UVRAG: variants seen among roughly 807,000 people sequenced by gnomAD.
The protein encoded by UVRAG is UV radiation resistance-associated gene protein.
UVRAG carries 19 observed loss-of-function variants against 78.0 expected under a neutral mutation model. That is an observed-to-expected ratio of 0.24 (90% CI 0.17 to 0.36). The LOEUF (loss-of-function observed/expected upper bound fraction) is 0.36. UVRAG is among the 10% of genes least tolerant of loss of function. The pLI is 1.00. For missense variants in UVRAG, 740 were observed against 853.8 expected (o/e 0.87, Z 1.66); for synonymous variants, 323 against 324.6 (o/e 1.00, Z 0.05).
chr11:76,134,680 G>A (rs1019254785), intron 14 of UVRAG, among the ~76,000 whole-genome samples: 1 of 152,200 alleles, frequency 6.6e-6, no homozygotes, highest in Non-Finnish European at 1.5e-5. Context: ...GGAATTTGAA[G>A]CCTACTGAAA....
At chr11:75,943,186 C>T (rs796699980) in intron 6 of UVRAG, among the ~76,000 whole-genome samples, 6 of 152,230 alleles carry the variant, frequency 3.9e-5, no homozygotes, top group African/African-American at 1.2e-4. Flanking sequence ...CACCCTCCCA[C>T]CCCCACTTTG....
intron 5 of UVRAG, among the ~76,000 whole-genome samples, chr11:75,890,056 T>C (rs1029642349): frequency 6.6e-6 from 1 of 151,954 alleles, no homozygotes; most frequent in Non-Finnish European, 1.5e-5. Flanking sequence ...GAAGGGAACA[T>C]GATGAGTTTT....
At chr11:75,937,032 AC>A (rs1458829720) in intron 6 of UVRAG, among the ~76,000 whole-genome samples, 2 of 152,196 alleles carry the variant, frequency 1.3e-5, no homozygotes, top group East Asian at 3.8e-4. Context: ...CTGACAGGCC[AC>A]CAAGCTCCAG....
intron 12 of UVRAG, among the ~76,000 whole-genome samples, chr11:76,046,102 C>G (rs1018267605): frequency 6.6e-6 from 1 of 152,078 alleles, no homozygotes; most frequent in Non-Finnish European, 1.5e-5. Flanking sequence ...ATGGAACAAT[C>G]CTTCAAAGTA....
chr11:75,990,494 A>G (rs544502238), intron 8 of UVRAG, among the ~76,000 whole-genome samples: 9 of 151,720 alleles, frequency 5.9e-5, no homozygotes, highest in Admixed American at 2.0e-4. Flanking sequence ...TTTTATTCCT[A>G]TGTCATACTC....
At chr11:75,892,159 A>G (rs970489956) in intron 5 of UVRAG, among the ~76,000 whole-genome samples, 9 of 152,196 alleles carry the variant, frequency 5.9e-5, no homozygotes, top group Admixed American at 6.5e-5. Flanking sequence ...AGCCAGAAGC[A>G]AAGTTTGTAT....
rs575484728 is a variant in UVRAG, at chr11:75,884,863, A to G, written c.433-3966A>G. On this transcript the variant is annotated intron_variant, in intron 4 of 14. Transcript: ENST00000356136. ...TTCTTTTTTCAAAAAATTTCTGGCTATTCTAGGTCTTTGGCCTTTCCATAT... is the reference window on the plus strand; with the variant it reads ...TTCTTTTTTCAAAAAATTTCTGGCTGTTCTAGGTCTTTGGCCTTTCCATAT... Among the ~76,000 whole-genome samples, 20 of 152,204 alleles carry G rather than the reference A, an allele frequency of 1.3e-4. 1 individual carries two copies. In the South Asian group the frequency reaches 1.4e-3, roughly 11 times the overall value.
intron 13 of UVRAG, among the ~76,000 whole-genome samples, chr11:76,066,920 G>GTCC (rs1181235782): frequency 2.6e-5 from 4 of 152,148 alleles, no homozygotes; most frequent in Admixed American, 2.6e-4. Context: ...TTTTACCAAA[G>GTCC]TAATAAGATT....
At chr11:76,059,185 T>G (rs543627694) in intron 12 of UVRAG, among the ~76,000 whole-genome samples, 1 of 152,362 alleles carries the variant, frequency 6.6e-6, no homozygotes, top group East Asian at 1.9e-4. Context: ...TGTTGTATCC[T>G]CACAAGATAC....
At chr11:76,001,138 A>T (rs1949805869) in intron 8 of UVRAG, among the ~76,000 whole-genome samples, 1 of 152,218 alleles carries the variant, frequency 6.6e-6, no homozygotes, top group East Asian at 1.9e-4. Context: ...CATACAAAGT[A>T]TGTTTTCTCA....
intron 14 of UVRAG, 31 bp downstream of exon 14, chr11:76,116,046 C>T (rs1952174183): frequency 6.3e-7 from 1 of 1,592,780 alleles, no homozygotes; most frequent in Non-Finnish European, 8.6e-7. Context: ...TAACCAGAAA[C>T]TGTAATGTGG....
At chr11:76,116,718 G>A (rs568818750) in intron 14 of UVRAG, among the ~76,000 whole-genome samples, 200 of 152,294 alleles carry the variant, frequency 1.3e-3, no homozygotes, top group African/African-American at 4.7e-3. Context: ...ACAAAATCAC[G>A]TGCCTGGAAA....
At chr11:76,069,634 C>T (rs192677335) in intron 13 of UVRAG, among the ~76,000 whole-genome samples, 2 of 152,054 alleles carry the variant, frequency 1.3e-5, no homozygotes, top group African/African-American at 4.8e-5. Context: ...TTTGTGGGAG[C>T]CTTATAGTTT....
At chr11:76,001,610 G>T (rs1390380088) in intron 8 of UVRAG, among the ~76,000 whole-genome samples, 1 of 152,008 alleles carries the variant, frequency 6.6e-6, no homozygotes, top group Non-Finnish European at 1.5e-5. Context: ...GGAATGAGAG[G>T]GGACATCACT....
At chr11:76,111,035 G>A (rs1005604263) in intron 13 of UVRAG, among the ~76,000 whole-genome samples, 43 of 151,940 alleles carry the variant, frequency 2.8e-4, no homozygotes, top group African/African-American at 9.7e-4. Flanking sequence ...TGCATTTTTA[G>A]TAGAGATGAG....
intron 14 of UVRAG, among the ~76,000 whole-genome samples, chr11:76,132,165 G>A (rs1482961871): frequency 6.6e-6 from 1 of 152,196 alleles, no homozygotes; most frequent in Non-Finnish European, 1.5e-5. Flanking sequence ...TATTGGCGCA[G>A]ACTAGTACCT....
Position 76,141,575 on chromosome 11 carries a change from G to C in UVRAG, c.*162G>C. On this transcript the variant is annotated 3_prime_UTR_variant, in exon 15 of 15. Coordinates refer to ENST00000356136, the MANE Select transcript of UVRAG (RefSeq NM_003369.4). ...AATGAAGGAGGGACTCAGGATCATT[G>C]TTATCAGTGGGCCAAAGTTAGATTT... 1.3e-6 allele frequency: 1 copy of C among 773,496 alleles called. No homozygotes were observed. Among genetic ancestry groups the C allele is most frequent in the Non-Finnish European group, 2.0e-6 (1 of 502,578 alleles). 47.9% of individuals were successfully genotyped at this position (773,496 alleles called of 1,614,324 possible).
At chr11:76,035,320 G>C (rs1950513491) in intron 12 of UVRAG, among the ~76,000 whole-genome samples, 1 of 152,146 alleles carries the variant, frequency 6.6e-6, no homozygotes, top group Admixed American at 6.5e-5. Context: ...GAGGTTCATA[G>C]TTGCTTAGAA....
chr11:76,133,734 G>A (rs985813840), intron 14 of UVRAG, among the ~76,000 whole-genome samples: 9 of 152,074 alleles, frequency 5.9e-5, no homozygotes, highest in African/African-American at 1.9e-4. Context: ...GTACCTCAAA[G>A]GATTCTGGGA....
Sources: gnomAD v4.1 joint callset for allele counts (sites outside exome capture counted in the v4.1 genomes callset) on GRCh38, gnomAD v4.1.1 for gene constraint, MANE v1.5 for transcripts, NCBI Gene and HGNC (gene_info 2026-07-23, HGNC 2026-07-21) for gene names.